The following AGL variants were observed in gnomAD, a reference collection of about 807,000 sequenced individuals.
The protein encoded by AGL is glycogen debranching enzyme.
AGL carries 128 observed loss-of-function variants against 199.3 expected under a neutral mutation model. That is an observed-to-expected ratio of 0.64 (90% confidence interval 0.56 to 0.74). AGL has a LOEUF of 0.74. Ranked by LOEUF, AGL falls within the 30% of genes least tolerant of loss-of-function variation. The pLI, the probability that AGL is intolerant of heterozygous loss-of-function variation, is 0.00. For synonymous variants in AGL, 584 were observed against 594.7 expected, an observed-to-expected ratio of 0.98 and a Z score of 0.26; for missense variants, 1,809 against 1,820.8, an observed-to-expected ratio of 0.99 and a Z score of 0.12.
intron 11 of AGL, 120 bp downstream of exon 11, chr1:99,876,717 T>A: frequency 8.2e-7 from 1 of 1,214,016 alleles, no homozygotes; most frequent in Non-Finnish European, 1.2e-6. Flanking sequence ...TATTTCACCA[T>A]AAAGGTACCA....
chr1:99,860,285 AGG>A (rs1649927050), intron 2 of AGL, among the ~76,000 whole-genome samples: 2 of 151,822 alleles, frequency 1.3e-5, no homozygotes, highest in South Asian at 4.1e-4. Flanking sequence ...TATATTAAAT[AGG>A]TAAATATTAG....
intron 2 of AGL, among the ~76,000 whole-genome samples, chr1:99,858,441 C>A (rs1649757848): frequency 6.6e-6 from 1 of 152,152 alleles, no homozygotes; most frequent in Non-Finnish European, 1.5e-5. Flanking sequence ...GCTTTTCAGG[C>A]AATGCACTCC....
rs780617757 is a variant in AGL at position 99,910,749 on chromosome 1, A to T, written c.3738A>T (p.Gly1246=). The change falls in exon 28 of 34, where the codon GGA becomes GGT. Residue 1246 remains glycine, a synonymous_variant. Coordinates refer to ENST00000361915, the MANE Select transcript of AGL (RefSeq NM_000642.3). ...CTGCAGGAGTTGATGAAGAAACAGG[A>T]TTTGTTTATGGAGGAAATCGTTTCA... The part of the protein sequence containing the change: ...NITAGVDEET[G]FVYGGNRFNC... 62 of 1,611,004 alleles carry T rather than the reference A, an allele frequency of 3.8e-5. 1 individual carries two copies. In the Middle Eastern group the frequency reaches 4.9e-4, roughly 13 times the overall value.
At chr1:99,912,747 CA>C (rs1654839516) in intron 29 of AGL, among the ~76,000 whole-genome samples, 1 of 152,180 alleles carries the variant, frequency 6.6e-6, no homozygotes, top group African/African-American at 2.4e-5. Flanking sequence ...CTTTATTGTG[CA>C]TGTCTTTTTC....
In AGL at chr1:99,900,173, G is replaced by A. The variant is rs961506161; in HGVS notation, c.3363-463G>A. On this transcript the variant is annotated intron_variant, in intron 25 of 33. Transcript: ENST00000361915. ...TCAAACTCCTGACCTCAGGTGTTCC[G>A]CCCGCCTCGGCCTCCCAAAATGCTG... is the stretch of plus-strand genomic sequence containing the variant. Among the ~76,000 whole-genome samples the A allele has an allele frequency of 3.3e-5, 5 of 151,684 alleles. 1 individual carries two copies. The highest frequency in any genetic ancestry group is 1.5e-5 in the Non-Finnish European group (1 of 67,890).
At chr1:99,896,001 A>T (rs1374898510) in intron 24 of AGL, among the ~76,000 whole-genome samples, 1 of 152,176 alleles carries the variant, frequency 6.6e-6, no homozygotes, top group African/African-American at 2.4e-5. Flanking sequence ...TTATCTGTGT[A>T]TTCACACCTC....
At chr1:99,906,972 T>G (rs944189962) in intron 27 of AGL, among the ~76,000 whole-genome samples, 1 of 152,174 alleles carries the variant, frequency 6.6e-6, no homozygotes, top group Non-Finnish European at 1.5e-5. Flanking sequence ...GGCTGCAACA[T>G]TTACATTCCC....
At chr1:99,896,685 T>C (rs762971190) in intron 25 of AGL, among the ~76,000 whole-genome samples, 1 of 152,240 alleles carries the variant, frequency 6.6e-6, no homozygotes, top group Non-Finnish European at 1.5e-5. Flanking sequence ...CCTTCCATAG[T>C]GAAGGCATTG....
At position 99,861,636 on chromosome 1, in the gene AGL, A is replaced by T. The variant is rs1650044872; in HGVS notation, c.216A>T (p.Glu72Asp). 1 of 1,613,526 alleles carries T rather than the reference A, an allele frequency of 6.2e-7. No individual in the cohort carries two copies. Among genetic ancestry groups the T allele is most frequent in the Admixed American group, 1.7e-5 (1 of 60,008 alleles). ...FRSLDWENPT[E>D]REDDSDKYCK... is the part of the protein sequence containing the mutation. ...CTCTGGATTGGGAAAATCCAACAGA[A>T]AGAGAAGATGATTCTGATAAATACT... Residue 72 changes from glutamate (E) to aspartate (D), a missense_variant, in exon 3 of 34, where the codon GAA (glutamate) becomes GAT (aspartate). By Grantham distance (45) the Glu-to-Asp change is conservative (BLOSUM62 2). Transcript: ENST00000361915.
intron 2 of AGL, chr1:99,852,790 G>A (rs1649088931): frequency 1.3e-6 from 1 of 770,192 alleles, no homozygotes. Flanking sequence ...TTGTGATAAA[G>A]CCCTAAATAA....
chr1:99,908,066 A>G (rs1316342822), intron 27 of AGL, among the ~76,000 whole-genome samples: 7 of 152,196 alleles, frequency 4.6e-5, no homozygotes, highest in Non-Finnish European at 8.8e-5. Context: ...CTATTGTATC[A>G]TATGCAAAAA....
intron 28 of AGL, 116 bp downstream of exon 28, chr1:99,910,963 C>A (rs1654714577): frequency 1.7e-6 from 2 of 1,143,438 alleles, no homozygotes; most frequent in Non-Finnish European, 2.5e-6. Context: ...TCAAAATTTC[C>A]CTGCCTTCTT....
At chr1:99,870,091 ACAACGTATTT>A (rs2101111052) in intron 5 of AGL, among the ~76,000 whole-genome samples, 1 of 152,316 alleles carries the variant, frequency 6.6e-6, no homozygotes, top group Admixed American at 6.5e-5. Context: ...ACTTATCAAA[ACAACGTATTT>A]CATTAACACT....
At chr1:99,920,303 A>G (rs1655427466) in intron 33 of AGL, among the ~76,000 whole-genome samples, 1 of 152,214 alleles carries the variant, frequency 6.6e-6, no homozygotes, top group Non-Finnish European at 1.5e-5. Flanking sequence ...CATTAGGGAA[A>G]GGTCTCTTCC....
At chr1:99,855,687 G>A (rs1369487587) in intron 2 of AGL, among the ~76,000 whole-genome samples, 1 of 151,978 alleles carries the variant, frequency 6.6e-6, no homozygotes, top group Admixed American at 6.5e-5. Flanking sequence ...TGTAGTCCCA[G>A]CTATTCAGGA....
chr1:99,900,556 T>C, intron 25 of AGL, 80 bp from the exon 26 acceptor site: 1 of 1,298,530 alleles, frequency 7.7e-7, no homozygotes, highest in Admixed American at 1.7e-5. Flanking sequence ...CAAAATATAG[T>C]CACCAAAAGT....
chr1:99,897,995 A>G (rs1441549547), intron 25 of AGL, among the ~76,000 whole-genome samples: 1 of 152,164 alleles, frequency 6.6e-6, no homozygotes, highest in African/African-American at 2.4e-5. Context: ...TTGGTTAGCA[A>G]ACTGTGGCCT....
Position 99,877,764 on chromosome 1 carries a change from C to T in AGL, c.1547C>T (p.Thr516Ile). 1 of 1,614,042 alleles carries T rather than the reference C, an allele frequency of 6.2e-7. No homozygotes were observed. Residue 516 changes from threonine (T) to isoleucine (I), a missense_variant, in exon 12 of 34, where the codon ACT (threonine) becomes ATT (isoleucine). Physicochemically the swap from Thr to Ile is moderately conservative, Grantham distance 89 (BLOSUM62 -1). Coordinates refer to ENST00000361915, the MANE Select transcript of AGL (RefSeq NM_000642.3). Reference protein sequence around the residue: ...WAHMKKYTEITATYFQGVRLD... With the variant: ...WAHMKKYTEIIATYFQGVRLD... Reference sequence around the variant, plus strand: ...CACATGAAAAAATACACTGAAATAACTGCAACTTATTTCCAGGGAGTACGT... The same window carrying T: ...CACATGAAAAAATACACTGAAATAATTGCAACTTATTTCCAGGGAGTACGT...
intron 23 of AGL, 28 bp downstream of exon 23, chr1:99,891,767 G>A (rs1305339719): frequency 1.1e-5 from 17 of 1,612,346 alleles, no homozygotes; most frequent in Non-Finnish European, 1.4e-5. Context: ...TGAATAAATG[G>A]GCATATCTGT....
Sources: gnomAD v4.1 joint callset for allele counts (sites outside exome capture counted in the v4.1 genomes callset) on GRCh38, gnomAD v4.1.1 for gene constraint, MANE v1.5 for transcripts, NCBI Gene and HGNC (gene_info 2026-07-23, HGNC 2026-07-21) for gene names.